The following SNRK variants were observed in gnomAD, a reference collection of about 807,000 sequenced individuals.
SNRK encodes the protein SNF-related serine/threonine-protein kinase.
SNRK carries 3 observed loss-of-function variants against 48.2 expected under a neutral mutation model. The observed-to-expected ratio is 0.06, with a 90% confidence interval of 0.03 to 0.16. The LOEUF is 0.16. Ranked by LOEUF, SNRK falls within the 10% of genes least tolerant of loss-of-function variation. The pLI, the probability that SNRK is intolerant of heterozygous loss-of-function variation, is 1.00. For synonymous variants in SNRK, 376 were observed against 366.1 expected, an observed-to-expected ratio of 1.03 and a Z score of -0.31; for missense variants, 627 against 976.0, an observed-to-expected ratio of 0.64 and a Z score of 4.76.
rs765528463 is a variant in SNRK, at chr3:43,347,652, G to A, written c.1393G>A (p.Val465Met). Reference sequence around the variant, plus strand: ...GAAACCCATGTCCCTCTCAACACAAGTGGTTTTGCGCCGGAAGCCATCTGT... The same window carrying A: ...GAAACCCATGTCCCTCTCAACACAAATGGTTTTGCGCCGGAAGCCATCTGT... Reference protein sequence around the residue: ...DKKPMSLSTQVVLRRKPSVTN... With the variant: ...DKKPMSLSTQMVLRRKPSVTN... Residue 465 changes from valine to methionine, a missense_variant, in exon 7 of 7, where the codon GTG (valine) becomes ATG (methionine). Physicochemically the swap from Val to Met is conservative, Grantham distance 21 (BLOSUM62 1). This residue lies in a region of SNRK where 98 missense variants were observed against 175.2 expected (regional missense o/e 0.56). Coordinates refer to ENST00000296088, the MANE Select transcript of SNRK (RefSeq NM_017719.5). The surrounding 1 kb of genome is among the most constrained non-coding windows in gnomAD (Gnocchi z 5.4). 6.2e-7 allele frequency: 1 copy of A among 1,613,816 alleles called. No individual in the cohort carries two copies. The highest frequency in any genetic ancestry group is 1.1e-5 in the South Asian group (1 of 91,086).
At chr3:43,311,005 G>A (rs2090975112) in intron 3 of SNRK, among the ~76,000 whole-genome samples, 1 of 152,044 alleles carries the variant, frequency 6.6e-6, no homozygotes, top group Non-Finnish European at 1.5e-5. Flanking sequence ...TGTGAATATG[G>A]TGTCTGAGTA....
chr3:43,348,435 C>T lies in SNRK; in HGVS notation c.2176C>T (p.Leu726=). ...TELERIKSKN[L]KNNVLQLPLC... Reference sequence around the variant, plus strand: ...ATTGGAACGGATAAAGAGCAAGAACCTGAAAAATAACGTGCTGCAGCTACC... The same window carrying T: ...ATTGGAACGGATAAAGAGCAAGAACTTGAAAAATAACGTGCTGCAGCTACC... The change falls in exon 7 of 7, where the codon CTG becomes TTG. Residue 726 remains leucine (L), a synonymous_variant. Transcript: ENST00000296088. 1 of 1,612,148 alleles carries T rather than the reference C, an allele frequency of 6.2e-7. No homozygotes were observed. Among genetic ancestry groups the T allele is most frequent in the Non-Finnish European group, 8.5e-7 (1 of 1,179,226 alleles).
intron 5 of SNRK, among the ~76,000 whole-genome samples, chr3:43,342,214 C>G (rs946565967): frequency 2.0e-5 from 3 of 152,082 alleles, no homozygotes; most frequent in Non-Finnish European, 4.4e-5. Flanking sequence ...TCAGGTGACT[C>G]CAGTTTGCCA....
chr3:43,319,410 A>G (rs918750603), intron 3 of SNRK, among the ~76,000 whole-genome samples: 1 of 152,232 alleles, frequency 6.6e-6, no homozygotes, highest in Admixed American at 6.5e-5. Flanking sequence ...TCGTAGATAT[A>G]TCGAAATCTC....
rs540110474 is a variant in SNRK at position 43,290,982 on chromosome 3, G to A, written c.-169+4307G>A. ...CACATTTGTGATAAGGGTCATAATGGCAAAGGACACAGTGCTGTGAGTGAG... is the reference window on the plus strand; with the variant it reads ...CACATTTGTGATAAGGGTCATAATGACAAAGGACACAGTGCTGTGAGTGAG... On this transcript the variant is annotated intron_variant, in intron 1 of 6. Coordinates refer to ENST00000296088, the MANE Select transcript of SNRK (RefSeq NM_017719.5). 2.5e-4 allele frequency among the ~76,000 whole-genome samples: 38 copies of A among 152,248 alleles called. No homozygotes were observed. In the South Asian group the frequency reaches 2.7e-3, roughly 11 times the overall value.
chr3:43,339,890 AGTT>A (rs1161656670), intron 4 of SNRK, among the ~76,000 whole-genome samples: 4 of 119,318 alleles, frequency 3.4e-5, no homozygotes, highest in African/African-American at 8.9e-5. Flanking sequence ...ATGGTATTTT[AGTT>A]GTTGTCATCA....
intron 3 of SNRK, among the ~76,000 whole-genome samples, chr3:43,323,661 A>C (rs1370913065): frequency 6.6e-6 from 1 of 152,210 alleles, no homozygotes; most frequent in Non-Finnish European, 1.5e-5. Context: ...GCCTGTACAC[A>C]CTTTTTTTGT....
intron 3 of SNRK, among the ~76,000 whole-genome samples, chr3:43,315,967 A>G (rs1202538467): frequency 1.3e-5 from 2 of 152,214 alleles, no homozygotes; most frequent in Non-Finnish European, 2.9e-5. Flanking sequence ...ACACGCCTAT[A>G]AGAAACAAAT....
chr3:43,290,700 T>C (rs919671912), intron 1 of SNRK, among the ~76,000 whole-genome samples: 2 of 152,246 alleles, frequency 1.3e-5, no homozygotes, highest in South Asian at 4.1e-4. Context: ...AGTAATTTGT[T>C]AAACCATCAT....
intron 5 of SNRK, 177 bp downstream of exon 5, chr3:43,340,676 TG>T: frequency 3.2e-6 from 2 of 618,310 alleles, no homozygotes; most frequent in Non-Finnish European, 5.6e-6. Flanking sequence ...TTTTTTTTGG[TG>T]TTTTGGTTTT....
intron 1 of SNRK, among the ~76,000 whole-genome samples, chr3:43,290,853 C>CTA (rs2090806332): frequency 6.6e-6 from 1 of 152,122 alleles, no homozygotes; most frequent in African/African-American, 2.4e-5. Flanking sequence ...GGATAAAGAA[C>CTA]TAAATAAAAT....
At chr3:43,335,689 T>G (rs547319713) in intron 4 of SNRK, among the ~76,000 whole-genome samples, 5 of 152,132 alleles carry the variant, frequency 3.3e-5, no homozygotes, top group Non-Finnish European at 5.9e-5. Context: ...GGTGGATTTG[T>G]TTTTTTTCTT....
At chr3:43,328,305 G>A (rs547159335) in intron 3 of SNRK, among the ~76,000 whole-genome samples, 30 of 144,332 alleles carry the variant, frequency 2.1e-4, no homozygotes, top group African/African-American at 7.6e-4. Flanking sequence ...TGTTAACACG[G>A]TTTTTTTTTT....
Position 43,347,736 on chromosome 3 carries a change from G to A in SNRK, c.1477G>A (p.Gly493Arg). 1 of 1,614,138 alleles carries A rather than the reference G, an allele frequency of 6.2e-7. No individual in the cohort carries two copies. The highest frequency in any genetic ancestry group is 1.3e-5 in the African/African-American group (1 of 75,042). The change falls in exon 7 of 7, where the codon GGG (glycine) becomes AGG (arginine). Residue 493 changes from glycine (G) to arginine (R), a missense_variant. Physicochemically the swap from Gly to Arg is moderately radical, Grantham distance 125. Around this residue, in one of 4 missense-constraint regions of SNRK, gnomAD observed 98 missense variants for 175.2 expected, o/e 0.56. Transcript: ENST00000296088. The surrounding 1 kb of genome is among the most constrained non-coding windows in gnomAD (Gnocchi z 5.4). ...APVLNQIFEE[G>R]ESDDEFDMDE... is the part of the protein sequence containing the mutation. ...CGTCCTCAACCAGATCTTTGAGGAA[G>A]GGGAATCTGACGATGAGTTTGACAT...
intron 1 of SNRK, 75 bp downstream of exon 1, chr3:43,286,750 G>A (rs2090766632): frequency 6.7e-6 from 1 of 148,208 alleles, no homozygotes; most frequent in African/African-American, 2.4e-5. Flanking sequence ...CGCCGCCTCA[G>A]TAGCCTCCGC....
chr3:43,319,930 A>G (rs1291423851), intron 3 of SNRK, among the ~76,000 whole-genome samples: 1 of 152,196 alleles, frequency 6.6e-6, no homozygotes, highest in African/African-American at 2.4e-5. Flanking sequence ...GGTTAGTTTC[A>G]GAGGTGTTTA....
At chr3:43,301,630 TA>T (rs575119083) in intron 2 of SNRK, among the ~76,000 whole-genome samples, 1 of 151,774 alleles carries the variant, frequency 6.6e-6, no homozygotes, top group South Asian at 2.1e-4. Flanking sequence ...TTTTAAAAAT[TA>T]AAAAAAAACT....
At chr3:43,298,829 G>C (rs1469223639) in intron 1 of SNRK, among the ~76,000 whole-genome samples, 1 of 152,242 alleles carries the variant, frequency 6.6e-6, no homozygotes, top group African/African-American at 2.4e-5. Flanking sequence ...TGTGGTGATA[G>C]TTTCTTTGTT....
At chr3:43,322,105 G>T (rs189154472) in intron 3 of SNRK, among the ~76,000 whole-genome samples, 107 of 152,374 alleles carry the variant, frequency 7.0e-4, no homozygotes, top group Non-Finnish European at 1.5e-3. Flanking sequence ...GGGCACTGCT[G>T]TATCTTAGCA....
Sources: allele counts gnomAD v4.1 joint callset (sites outside exome capture counted in the v4.1 genomes callset), GRCh38; gene constraint gnomAD v4.1.1; regional missense constraint gnomAD v4.1.1; non-coding constraint Gnocchi (gnomAD v3.1); transcripts MANE v1.5; gene names NCBI Gene and HGNC (gene_info 2026-07-23, HGNC 2026-07-21).